The following TLK2 variants were observed in gnomAD, a reference collection of about 807,000 sequenced individuals.
TLK2 encodes the protein tousled like kinase 2, also known as serine/threonine-protein kinase tousled-like 2.
Under a neutral mutation model 117.3 loss-of-function variants are expected in TLK2, and 6 were observed. The ratio of observed to expected loss-of-function variants is 0.05; its 90% confidence interval spans 0.03 to 0.10. The LOEUF is 0.10. Ranked by LOEUF, TLK2 falls within the 10% of genes least tolerant of loss-of-function variation. The pLI, the probability that TLK2 is intolerant of heterozygous loss-of-function variation, is 1.00. For missense variants in TLK2, 299 were observed against 901.2 expected (o/e 0.33, Z 8.56); for synonymous variants, 257 against 316.7 (o/e 0.81, Z 2.00).
intron 6 of TLK2, among the ~76,000 whole-genome samples, chr17:62,535,478 C>T (rs995476511): frequency 2.6e-5 from 4 of 151,910 alleles, no homozygotes; most frequent in Admixed American, 1.3e-4. Flanking sequence ...TATAAAGTCA[C>T]GTGACAGGCC....
At chr17:62,549,214 A>G (rs1245924778) in intron 7 of TLK2, among the ~76,000 whole-genome samples, 3 of 147,516 alleles carry the variant, frequency 2.0e-5, no homozygotes, top group African/African-American at 7.4e-5. Context: ...TAACCTGGTG[A>G]AAACACCGTC....
intron 15 of TLK2, among the ~76,000 whole-genome samples, chr17:62,581,355 G>A (rs931261214): frequency 1.3e-5 from 2 of 151,822 alleles, no homozygotes; most frequent in African/African-American, 4.8e-5. Context: ...AGTGTTGTGC[G>A]ACTGACATCA....
upstream of TLK2, among the ~76,000 whole-genome samples, chr17:62,476,674 T>C (rs183281871): frequency 1.6e-4 from 25 of 152,184 alleles, no homozygotes; most frequent in African/African-American, 6.0e-4. Context: ...AAAGGTTAGA[T>C]GATAGGCCCA....
rs554481051 is a variant in TLK2, at chr17:62,541,269, C to CA, written c.531+4933dup. ...GATGGACTTTTGTCTGACTTCCCCC[C>CA]ACTGGAATGTAAGCTCCATCAGGTC... On this transcript the variant is annotated intron_variant, in intron 7 of 21. Coordinates refer to ENST00000346027, the MANE Select transcript of TLK2 (RefSeq NM_006852.6). 5.1e-4 allele frequency among the ~76,000 whole-genome samples: 77 copies of CA among 152,288 alleles called. No individual in the cohort carries two copies. The East Asian group carries it at 0.013, about 26-fold the overall frequency.
intron 7 of TLK2, among the ~76,000 whole-genome samples, chr17:62,539,301 C>G (rs760007737): frequency 6.6e-6 from 1 of 152,106 alleles, no homozygotes; most frequent in South Asian, 2.1e-4. Flanking sequence ...CCTCATCTGA[C>G]GTAATTCATT....
chr17:62,605,423 AG>A (rs1341167907), intron 19 of TLK2, among the ~76,000 whole-genome samples: 1 of 152,020 alleles, frequency 6.6e-6, no homozygotes, highest in Non-Finnish European at 1.5e-5. Flanking sequence ...CTCTTGCTGG[AG>A]TGCAGTGGCA....
intron 6 of TLK2, among the ~76,000 whole-genome samples, chr17:62,527,187 A>G (rs1401497028): frequency 1.3e-5 from 2 of 152,156 alleles, no homozygotes; most frequent in Admixed American, 6.5e-5. Context: ...CTCAAAAATG[A>G]CCTTAGCTAA....
At position 62,615,199 on chromosome 17, in the gene TLK2, C is replaced by G. The variant is rs752173155; in HGVS notation, c.*2634C>G. On this transcript the variant is annotated 3_prime_UTR_variant, in exon 22 of 22. Transcript: ENST00000346027. ...GCTGAGTCCGGGCAAGACCTTCTTC[C>G]GAGGCATGGACAAGCCCCAGAGAAC... 3 of 152,232 alleles carry G rather than the reference C, an allele frequency of 2.0e-5. No homozygotes were observed. The South Asian group carries it at 6.2e-4, about 32-fold the overall frequency. 9.4% of individuals were successfully genotyped at this position (152,232 alleles called of 1,614,324 possible). A position where few individuals can be genotyped will look rare whatever the true frequency, so the allele number is the denominator to read the frequency against.
chr17:62,600,443 A>C, intron 17 of TLK2: 1 of 470,126 alleles, frequency 2.1e-6, no homozygotes, highest in Non-Finnish European at 3.7e-6. Context: ...TCCAACATTG[A>C]GGGTGTGGAA....
At chr17:62,559,510 T>C (rs1312635939) in intron 9 of TLK2, among the ~76,000 whole-genome samples, 1 of 152,028 alleles carries the variant, frequency 6.6e-6, no homozygotes, top group African/African-American at 2.4e-5. Context: ...CCCGAGTAGC[T>C]GGAATTACAG....
intron 9 of TLK2, among the ~76,000 whole-genome samples, chr17:62,558,163 TTC>T (rs1461637787): frequency 3.3e-5 from 5 of 152,140 alleles, no homozygotes; most frequent in Admixed American, 6.5e-5. Flanking sequence ...CTTTTTTTTT[TTC>T]TTTTTTTTAA....
intron 1 of TLK2, among the ~76,000 whole-genome samples, chr17:62,479,863 A>G (rs2071410581): frequency 6.6e-6 from 1 of 152,200 alleles, no homozygotes; most frequent in South Asian, 2.1e-4. Flanking sequence ...TTTGGGAGAG[A>G]CTGCAACCTT....
chr17:62,613,626 T>G lies in TLK2; in HGVS notation c.*1061T>G, dbSNP rs2083936916. Reference sequence around the variant, plus strand: ...TTGTGTGCTTGCTAAATGGTGTACATTTCTTGTTAACCACGTTATTAAAAC... The same window carrying G: ...TTGTGTGCTTGCTAAATGGTGTACAGTTCTTGTTAACCACGTTATTAAAAC... On this transcript the variant is annotated 3_prime_UTR_variant, in exon 22 of 22. Coordinates refer to ENST00000346027, the MANE Select transcript of TLK2 (RefSeq NM_006852.6). 1 of 152,272 alleles carries G rather than the reference T, an allele frequency of 6.6e-6. No individual in the cohort carries two copies. The highest frequency in any genetic ancestry group is 1.5e-5 in the Non-Finnish European group (1 of 68,028). 9.4% of individuals were successfully genotyped at this position (152,272 alleles called of 1,614,324 possible). A position where few individuals can be genotyped will look rare whatever the true frequency, so the allele number is the denominator to read the frequency against.
At chr17:62,577,897 A>G (rs2080926677) in intron 13 of TLK2, among the ~76,000 whole-genome samples, 1 of 152,116 alleles carries the variant, frequency 6.6e-6, no homozygotes, top group Non-Finnish European at 1.5e-5. Context: ...AATACAAAAA[A>G]TTAGCTGGGC....
intron 16 of TLK2, among the ~76,000 whole-genome samples, chr17:62,593,413 T>C (rs1318889382): frequency 6.6e-6 from 1 of 152,240 alleles, no homozygotes. Flanking sequence ...CTGCCTTTTT[T>C]TAACCTTTTT....
At chr17:62,535,586 G>C (rs528247678) in intron 6 of TLK2, among the ~76,000 whole-genome samples, 1 of 151,914 alleles carries the variant, frequency 6.6e-6, no homozygotes, top group African/African-American at 2.4e-5. Context: ...GGCCAACATG[G>C]TGAAACCCCG....
intron 1 of TLK2, among the ~76,000 whole-genome samples, chr17:62,473,810 T>TA (rs2070986115): frequency 1.3e-5 from 2 of 152,244 alleles, no homozygotes; most frequent in Non-Finnish European, 2.9e-5. Flanking sequence ...AGTTGGTAGT[T>TA]ACGACAGAGA....
chr17:62,576,515 G>A (rs558238442), intron 12 of TLK2, among the ~76,000 whole-genome samples, 194 bp from the exon 13 acceptor site: 2 of 152,046 alleles, frequency 1.3e-5, no homozygotes, highest in East Asian at 1.9e-4. Flanking sequence ...TGGCTTTGAA[G>A]TTCTTCCCTC....
chr17:62,539,162 C>T (rs1243806283), intron 7 of TLK2, among the ~76,000 whole-genome samples: 1 of 152,074 alleles, frequency 6.6e-6, no homozygotes, highest in Non-Finnish European at 1.5e-5. Context: ...GTTTACATAT[C>T]CTTGGGTCCA....
Sources: allele counts gnomAD v4.1 joint callset (sites outside exome capture counted in the v4.1 genomes callset), GRCh38; gene constraint gnomAD v4.1.1; transcripts MANE v1.5; gene names NCBI Gene and HGNC (gene_info 2026-07-23, HGNC 2026-07-21).